The following STAT5B variants were observed in gnomAD, a reference collection of about 807,000 sequenced individuals.
STAT5B encodes signal transducer and activator of transcription 5B, also known as transcription factor STAT5B.
In STAT5B, 21 loss-of-function variants were observed where a neutral mutation model predicts 107.8. The observed-to-expected ratio is 0.19, with a 90% CI of 0.14 to 0.28. The LOEUF is 0.28. Among genes scored for constraint, STAT5B ranks in the 10% least tolerant of loss-of-function variants. STAT5B has a pLI of 1.00. For missense variants in STAT5B, 565 were observed against 1,008.2 expected (o/e 0.56, Z 5.95); for synonymous variants, 325 against 401.7 (o/e 0.81, Z 2.28).
chr17:42,268,886 T>C (rs1318786897), intron 1 of STAT5B, among the ~76,000 whole-genome samples: 1 of 152,194 alleles, frequency 6.6e-6, no homozygotes, highest in African/African-American at 2.4e-5. Flanking sequence ...GTAGAATGAA[T>C]GCTATATTAC....
At chr17:42,217,846 A>C in intron 9 of STAT5B, 1 of 446,178 alleles carries the variant, frequency 2.2e-6, no homozygotes, top group South Asian at 2.1e-5. Flanking sequence ...CTGGGATTAC[A>C]GGTGCCTGCC....
chr17:42,208,221 G>A (rs1598296083), intron 15 of STAT5B, among the ~76,000 whole-genome samples: 1 of 151,920 alleles, frequency 6.6e-6, no homozygotes, highest in Admixed American at 6.5e-5. Flanking sequence ...ATGGGTAGGG[G>A]CCAGGCATGT....
At chr17:42,224,178 G>T (rs2080254114) in intron 4 of STAT5B, among the ~76,000 whole-genome samples, 1 of 152,134 alleles carries the variant, frequency 6.6e-6, no homozygotes, top group Admixed American at 6.5e-5. Flanking sequence ...CCTGATTCAG[G>T]GGCTAGGGAA....
chr17:42,276,232 G>GC lies in STAT5B; in HGVS notation c.-11+15dup, dbSNP rs1313222113. 6.8e-6 allele frequency: 1 copy of GC among 147,086 alleles called. No homozygotes were observed. Among genetic ancestry groups the GC allele is most frequent in the Non-Finnish European group, 1.5e-5 (1 of 66,084 alleles). 9.1% of individuals were successfully genotyped at this position (147,086 alleles called of 1,614,324 possible). ...TCCCCCGGCCCCGGGCCCAGGGCTC[G>GC]CCCCGCAGCTCCTACCTCGCTCGGC... is the stretch of plus-strand genomic sequence containing the variant. On this transcript the variant is annotated intron_variant, in intron 1 of 18. Transcript: ENST00000293328. This position sits in a 1 kb window ranked among gnomAD's most constrained non-coding sequence, Gnocchi z 4.8.
chr17:42,279,245 G>T (rs1225974914), upstream of STAT5B, among the ~76,000 whole-genome samples: 1 of 152,080 alleles, frequency 6.6e-6, no homozygotes, highest in Non-Finnish European at 1.5e-5. Flanking sequence ...TCCTTGAGCT[G>T]GGTAATCTTG....
chr17:42,280,662 T>C (rs2080791858), upstream of STAT5B, among the ~76,000 whole-genome samples: 1 of 152,030 alleles, frequency 6.6e-6, no homozygotes, highest in Admixed American at 6.6e-5. Flanking sequence ...GGAGAAGGTA[T>C]AGGATGCTCA....
chr17:42,260,539 G>A (rs2080585743), intron 1 of STAT5B, among the ~76,000 whole-genome samples: 1 of 151,854 alleles, frequency 6.6e-6, no homozygotes, highest in African/African-American at 2.4e-5. Flanking sequence ...CTCCCAAGTA[G>A]CTGGGACTAT....
chr17:42,265,353 C>T (rs193136291), intron 1 of STAT5B, among the ~76,000 whole-genome samples: 63 of 135,520 alleles, frequency 4.6e-4, no homozygotes, highest in African/African-American at 1.6e-3. Flanking sequence ...AATGAAACTG[C>T]TAAGTCAAAG....
At chr17:42,210,345 G>A (rs189255705) in intron 14 of STAT5B, 44 bp from the exon 15 acceptor site, 32 of 1,614,148 alleles carry the variant, frequency 2.0e-5, no homozygotes, top group Admixed American at 8.3e-5. Context: ...TGTGACTTAC[G>A]ATGCCAGAGA....
intron 1 of STAT5B, among the ~76,000 whole-genome samples, chr17:42,240,314 A>C (rs1291587619): frequency 6.6e-6 from 1 of 152,392 alleles, no homozygotes; most frequent in Non-Finnish European, 1.5e-5. Flanking sequence ...TATTATGCAG[A>C]TGTTAAAAAG....
chr17:42,271,954 T>C (rs2080725181), intron 1 of STAT5B: 1 of 152,168 alleles, frequency 6.6e-6, no homozygotes. Flanking sequence ...CAAATGAAAA[T>C]TTAGAAGAGG....
At chr17:42,206,569 T>C (rs1394074923) in intron 16 of STAT5B, among the ~76,000 whole-genome samples, 1 of 152,174 alleles carries the variant, frequency 6.6e-6, no homozygotes, top group Non-Finnish European at 1.5e-5. Flanking sequence ...ATCTGTTTTT[T>C]TGTTTTCTTT....
Position 42,260,217 on chromosome 17 carries a change from G to C in STAT5B, c.-11+16031C>G, listed in dbSNP as rs573660776. 2.6e-5 allele frequency among the ~76,000 whole-genome samples: 4 copies of C among 152,284 alleles called. No homozygotes were observed. In the South Asian group the frequency reaches 8.3e-4, roughly 32 times the overall value. ...CTTGGAAAACCTTTCAGTACGTTTG[G>C]AACACCTTCAGTATGTGAATCTACT... On this transcript the variant is annotated intron_variant, in intron 1 of 18. Transcript: ENST00000293328.
Position 42,223,553 on chromosome 17 carries a change from T to A in STAT5B, c.379A>T (p.Ser127Cys), listed in dbSNP as rs919159376. 6.2e-7 allele frequency: 1 copy of A among 1,614,090 alleles called. No individual in the cohort carries two copies. Among genetic ancestry groups the A allele is most frequent in the Non-Finnish European group, 8.5e-7 (1 of 1,179,990 alleles). Residue 127 changes from serine to cysteine, a missense_variant, in exon 5 of 19, where the codon AGC becomes TGC. Physicochemically the swap from Ser to Cys is moderately radical, Grantham distance 112. Coordinates refer to ENST00000293328, the MANE Select transcript of STAT5B (RefSeq NM_012448.4). ...TCAGCAAGGCTTCCAGCTGGAGAGC[T>A]ACCCTGGGAACATATGGGGGGCAGT... ...QRLVREANNG[S>C]SPAGSLADAM... is the part of the protein sequence containing the mutation.
intron 1 of STAT5B, among the ~76,000 whole-genome samples, chr17:42,249,647 G>A (rs1012076827): frequency 6.6e-5 from 10 of 151,958 alleles, no homozygotes; most frequent in African/African-American, 1.2e-4. Context: ...AACAAAAAGG[G>A]GAAGAGGATA....
chr17:42,201,840 A>G lies in STAT5B; in HGVS notation c.2262T>C (p.Asp754=), dbSNP rs773512310. The G allele has an allele frequency of 5.6e-6, 9 of 1,613,984 alleles. No individual in the cohort carries two copies. Among genetic ancestry groups the G allele is most frequent in the Non-Finnish European group, 7.6e-6 (9 of 1,179,988 alleles). ...TTGTGTCCTCCAGATCGAAGTCCCC[A>G]TCGGTGTCAAGGACTGAGTCAGGGC... The part of the protein sequence containing the change: ...PQNPDSVLDT[D]GDFDLEDTMD... Residue 754 remains aspartate (D), a synonymous_variant, in exon 19 of 19, where the codon GAT becomes GAC. Transcript: ENST00000293328.
intron 1 of STAT5B, among the ~76,000 whole-genome samples, chr17:42,259,336 T>C (rs111353188): frequency 4.0e-4 from 59 of 149,120 alleles, no homozygotes; most frequent in African/African-American, 1.4e-3. Flanking sequence ...AAATGAGAGG[T>C]CCTCTGAAAG....
chr17:42,230,811 T>C (rs1271493006), intron 2 of STAT5B, among the ~76,000 whole-genome samples: 1 of 151,914 alleles, frequency 6.6e-6, no homozygotes, highest in African/African-American at 2.4e-5. Context: ...CAGGCGCCCG[T>C]CACCACGCCC....
chr17:42,265,624 T>G (rs1209671553), intron 1 of STAT5B, among the ~76,000 whole-genome samples: 2 of 152,150 alleles, frequency 1.3e-5, no homozygotes, highest in African/African-American at 4.8e-5. Flanking sequence ...GTGCTGGGAT[T>G]ACAGGCCTGA....
Sources: gnomAD v4.1 joint callset for allele counts (sites outside exome capture counted in the v4.1 genomes callset) on GRCh38, gnomAD v4.1.1 for gene constraint, Gnocchi (gnomAD v3.1) non-coding constraint, MANE v1.5 for transcripts, NCBI Gene and HGNC (gene_info 2026-07-23, HGNC 2026-07-21) for gene names.